EFHB: variants seen among roughly 807,000 people sequenced by gnomAD.
The protein encoded by EFHB is EF-hand domain-containing family member B.
In EFHB, 91 loss-of-function variants were observed where a neutral mutation model predicts 87.2. That is an observed-to-expected ratio of 1.04 (90% CI 0.88 to 1.24). The LOEUF (loss-of-function observed/expected upper bound fraction) is 1.24. Among genes scored for constraint, EFHB ranks in the 50% most tolerant of loss-of-function variants. The pLI is 0.00. For synonymous variants in EFHB, 325 were observed against 333.6 expected, an observed-to-expected ratio of 0.97 and a Z score of 0.28; for missense variants, 1,084 against 998.8, an observed-to-expected ratio of 1.09 and a Z score of -1.15.
intron 8 of EFHB, among the ~76,000 whole-genome samples, 162 bp downstream of exon 8, chr3:19,898,616 C>A (rs538799314): frequency 1.8e-4 from 27 of 152,262 alleles, no homozygotes; most frequent in African/African-American, 6.5e-4. Context: ...AAAAAATTTA[C>A]TTCTGTGTTA....
In EFHB at chr3:19,888,551, C is replaced by G. The variant is rs1394589220; in HGVS notation, c.1826G>C (p.Cys609Ser). ...AATGAAGCCATCATTATCCACATCA[C>G]AGTAGTCAAATAGCTGGTCCAGGAG... ...DKLLDQLFDY[C>S]DVDNDGFINY... is the part of the protein sequence containing the mutation. Residue 609 changes from cysteine (C) to serine (S), a missense_variant, in exon 10 of 13, where the codon TGT (cysteine) becomes TCT (serine). Transcript: ENST00000295824. 6.3e-7 allele frequency: 1 copy of G among 1,596,402 alleles called. No homozygotes were observed. The highest frequency in any genetic ancestry group is 1.7e-5 in the Admixed American group (1 of 57,392).
At chr3:19,914,226 G>C (rs1238956038) in intron 5 of EFHB, among the ~76,000 whole-genome samples, 3 of 152,164 alleles carry the variant, frequency 2.0e-5, no homozygotes, top group Non-Finnish European at 4.4e-5. Flanking sequence ...ACCGCACCCA[G>C]ACCAAAGTTC....
chr3:19,908,630 AAG>A (rs1205896439), intron 5 of EFHB, among the ~76,000 whole-genome samples: 1 of 144,740 alleles, frequency 6.9e-6, no homozygotes, highest in Non-Finnish European at 1.5e-5. Flanking sequence ...GAAAGAAAGA[AAG>A]AAAGAAAGAA....
intron 10 of EFHB, among the ~76,000 whole-genome samples, chr3:19,887,216 G>A (rs1028263381): frequency 2.6e-5 from 4 of 151,450 alleles, no homozygotes; most frequent in African/African-American, 7.3e-5. Context: ...CCCTGTCTCT[G>A]CTAAAAATAC....
At chr3:19,923,721 G>A (rs1195647125) in intron 1 of EFHB, among the ~76,000 whole-genome samples, 2 of 152,060 alleles carry the variant, frequency 1.3e-5, no homozygotes, top group Non-Finnish European at 2.9e-5. Flanking sequence ...TTGAAAGGGA[G>A]GGGCAAAACA....
At chr3:19,944,126 T>C (rs17181086) in intron 1 of EFHB, among the ~76,000 whole-genome samples, 21,635 of 152,184 alleles carry the variant, frequency 0.14, 1,888 homozygotes, top group Non-Finnish European at 0.21. Context: ...AGAGTTACCG[T>C]TGGTTTGTCT....
At chr3:19,921,851 C>T (rs1053948594) in intron 1 of EFHB, among the ~76,000 whole-genome samples, 7 of 152,042 alleles carry the variant, frequency 4.6e-5, no homozygotes, top group South Asian at 2.1e-4. Context: ...ACTTAGGATA[C>T]GAACTCAAGT....
chr3:19,879,618 A>G lies in EFHB; in HGVS notation c.*13T>C. On this transcript the variant is annotated 3_prime_UTR_variant, in exon 13 of 13. Coordinates refer to ENST00000295824, the MANE Select transcript of EFHB (RefSeq NM_144715.4). ...AATAATTCTTTTGCTTGAATGAATG[A>G]AGTCCAAAAATATCACATGAGTGTT... The G allele has an allele frequency of 6.5e-7, 1 of 1,539,146 alleles. No individual in the cohort carries two copies. The highest frequency in any genetic ancestry group is 1.3e-5 in the South Asian group (1 of 79,544).
intron 10 of EFHB, among the ~76,000 whole-genome samples, chr3:19,886,252 T>G (rs9875453): frequency 6.6e-6 from 1 of 152,078 alleles, no homozygotes; most frequent in Non-Finnish European, 1.5e-5. Flanking sequence ...TCCTAGTGGA[T>G]AGAATAGAAA....
intron 5 of EFHB, among the ~76,000 whole-genome samples, chr3:19,907,892 G>C (rs1694891674): frequency 6.6e-6 from 1 of 152,096 alleles, no homozygotes; most frequent in Admixed American, 6.5e-5. Flanking sequence ...CAAAAATAAA[G>C]AAGATTGGCT....
Position 19,934,034 on chromosome 3 carries a change from A to C in EFHB, c.-16T>G, listed in dbSNP as rs778425783. 3.8e-6 allele frequency: 6 copies of C among 1,577,442 alleles called. No homozygotes were observed. In the Admixed American group the frequency reaches 1.1e-4, roughly 30 times the overall value. On this transcript the variant is annotated 5_prime_UTR_variant, in exon 1 of 13. The change abolishes an upstream ATG in the 5' untranslated region. Transcript: ENST00000295824. ...CCATGTTCATGGACGATTTCTCCCC[A>C]TTCTCATTTCTCCAAGAGCGCTCAT...
intron 6 of EFHB, among the ~76,000 whole-genome samples, chr3:19,904,722 T>C (rs1350361969): frequency 6.6e-6 from 1 of 152,226 alleles, no homozygotes; most frequent in Non-Finnish European, 1.5e-5. Context: ...CATCCCAAGA[T>C]CCTTAATTAT....
chr3:19,908,591 AGAG>A lies in EFHB; in HGVS notation c.1289-2845_1289-2843del, dbSNP rs1559459704. Among the ~76,000 whole-genome samples, 835 of 118,926 alleles carry A rather than the reference AGAG, an allele frequency of 7.0e-3. 7 individuals carry two copies. The highest frequency in any genetic ancestry group is 0.027 in the African/African-American group (670 of 25,174). 78.0% of individuals were successfully genotyped at this position (118,926 alleles called of 152,430 possible). ...GAGAGAGAGAGAGAGAGAGAGAGAG[AGAG>A]AGAGAGAAAGAAAGAAAGAAAGAAA... is the stretch of plus-strand genomic sequence containing the variant. On this transcript the variant is annotated intron_variant, in intron 5 of 12. Transcript: ENST00000295824.
At chr3:19,935,573 A>G (rs1324935078), upstream of EFHB, among the ~76,000 whole-genome samples, 1 of 151,766 alleles carries the variant, frequency 6.6e-6, no homozygotes, top group Non-Finnish European at 1.5e-5. Context: ...TTAGCTGGGC[A>G]TGGTGTCCAG....
intron 1 of EFHB, among the ~76,000 whole-genome samples, chr3:19,945,214 G>C (rs1696243823): frequency 6.6e-6 from 1 of 152,162 alleles, no homozygotes; most frequent in South Asian, 2.1e-4. Context: ...AGATACGTGT[G>C]ATCAGGGAAC....
intron 5 of EFHB, among the ~76,000 whole-genome samples, chr3:19,910,455 G>A (rs781430304): frequency 2.6e-5 from 4 of 152,218 alleles, no homozygotes; most frequent in East Asian, 1.9e-4. Context: ...CCTGGTAGAC[G>A]TCTAAAATTT....
intron 4 of EFHB, among the ~76,000 whole-genome samples, chr3:19,916,433 T>C (rs1047312114): frequency 2.0e-5 from 3 of 151,964 alleles, no homozygotes; most frequent in Non-Finnish European, 2.9e-5. Flanking sequence ...GAGAATCGCT[T>C]GAACCTGGGA....
rs1031184396 is a variant in EFHB at position 19,879,894 on chromosome 3, T to G, written c.2329-90A>C. 6.0e-6 allele frequency: 8 copies of G among 1,328,694 alleles called. No homozygotes were observed. In the Admixed American group the frequency reaches 7.9e-5, roughly 13 times the overall value. 82.3% of individuals were successfully genotyped at this position (1,328,694 alleles called of 1,614,324 possible). A position where few individuals can be genotyped will look rare whatever the true frequency, so the allele number is the denominator to read the frequency against. On this transcript the variant is annotated intron_variant, in intron 12 of 12. Coordinates refer to ENST00000295824, the MANE Select transcript of EFHB (RefSeq NM_144715.4). The stretch of plus-strand genomic sequence containing the variant: ...TTTATAACATCTAAGACTATGGATA[T>G]TTTTCCAAAAAAGTATGTGTGAAAA...
intron 10 of EFHB, among the ~76,000 whole-genome samples, 180 bp downstream of exon 10, chr3:19,888,264 C>T (rs1228416401): frequency 2.0e-5 from 3 of 152,024 alleles, no homozygotes; most frequent in Non-Finnish European, 4.4e-5. Context: ...TGCTGGCTCA[C>T]ACCAATAATC....
Sources: gnomAD v4.1 joint callset for allele counts (sites outside exome capture counted in the v4.1 genomes callset) on GRCh38, gnomAD v4.1.1 for gene constraint, MANE v1.5 for transcripts, NCBI Gene and HGNC (gene_info 2026-07-23, HGNC 2026-07-21) for gene names.